Variants in SUPT3H observed in about 807,000 individuals in gnomAD.
SUPT3H encodes the protein transcription initiation protein SPT3 homolog.
In SUPT3H, 44 loss-of-function variants were observed where a neutral mutation model predicts 44.3. The observed-to-expected ratio is 0.99, with a 90% CI of 0.78 to 1.28. The LOEUF (loss-of-function observed/expected upper bound fraction) is 1.28, where lower values mean the gene tolerates loss of function less well. Ranked by LOEUF, SUPT3H falls within the 50% of genes most tolerant of loss-of-function variation. The pLI is 0.00. For synonymous variants in SUPT3H, 124 were observed against 125.6 expected (o/e 0.99, Z 0.09); for missense variants, 380 against 387.1 (o/e 0.98, Z 0.15).
At chr6:44,969,325 T>G (rs537271064) in intron 6 of SUPT3H, among the ~76,000 whole-genome samples, 27 of 152,310 alleles carry the variant, frequency 1.8e-4, no homozygotes, top group African/African-American at 6.5e-4. Flanking sequence ...TCTGGAAGCA[T>G]ATACATTATA....
chr6:45,295,766 C>T (rs775028696), intron 2 of SUPT3H, among the ~76,000 whole-genome samples: 13 of 151,918 alleles, frequency 8.6e-5, no homozygotes, highest in Non-Finnish European at 1.3e-4. Context: ...TGCTCAACAT[C>T]ACTAATGATC....
At chr6:44,927,318 G>T (rs1769658248) in intron 10 of SUPT3H, among the ~76,000 whole-genome samples, 1 of 152,082 alleles carries the variant, frequency 6.6e-6, no homozygotes, top group African/African-American at 2.4e-5. Flanking sequence ...TCTCTAGGAT[G>T]TAAGTTTTAT....
intron 2 of SUPT3H, among the ~76,000 whole-genome samples, chr6:45,175,012 TAAAAAAAAA>T (rs57838175): frequency 8.0e-5 from 5 of 62,538 alleles, no homozygotes; most frequent in Non-Finnish European, 1.4e-4. Context: ...CCCTCGTCAC[TAAAAAAAAA>T]AAAAAAAAAA....
chr6:45,148,720 A>C (rs1231171648), intron 2 of SUPT3H, among the ~76,000 whole-genome samples: 1 of 152,174 alleles, frequency 6.6e-6, no homozygotes, highest in Admixed American at 6.6e-5. Flanking sequence ...GGTCTTTTTC[A>C]ATATAAAGTG....
At chr6:45,117,596 A>G (rs1246768340) in intron 2 of SUPT3H, among the ~76,000 whole-genome samples, 1 of 152,142 alleles carries the variant, frequency 6.6e-6, no homozygotes, top group Non-Finnish European at 1.5e-5. Flanking sequence ...AAAGCATTCT[A>G]GAAAAACCAC....
intron 9 of SUPT3H, among the ~76,000 whole-genome samples, chr6:44,946,988 C>T (rs1773452972): frequency 6.6e-6 from 1 of 152,158 alleles, no homozygotes. Context: ...CTTCGGCAAC[C>T]ACCACCCTGA....
chr6:44,877,303 C>G (rs1462869320), intron 10 of SUPT3H, among the ~76,000 whole-genome samples: 1 of 152,022 alleles, frequency 6.6e-6, no homozygotes, highest in Admixed American at 6.6e-5. Context: ...CCTGTCTCTA[C>G]TAAAAGCACA....
chr6:44,857,241 A>G (rs1207917183), intron 10 of SUPT3H, among the ~76,000 whole-genome samples: 1 of 152,218 alleles, frequency 6.6e-6, no homozygotes, highest in Non-Finnish European at 1.5e-5. Flanking sequence ...AGCATCACTT[A>G]TAATACCCTT....
chr6:44,817,837 C>T (rs1430732717), intron 11 of SUPT3H, among the ~76,000 whole-genome samples: 2 of 151,912 alleles, frequency 1.3e-5, no homozygotes, highest in Non-Finnish European at 2.9e-5. Context: ...TTTAAAAAGA[C>T]CTTTATAAAT....
intron 2 of SUPT3H, among the ~76,000 whole-genome samples, chr6:45,238,856 T>C (rs1698490929): frequency 6.6e-6 from 1 of 152,204 alleles, no homozygotes; most frequent in Admixed American, 6.5e-5. Flanking sequence ...GGCAAACCCA[T>C]TTAGCTGACT....
intron 3 of SUPT3H, among the ~76,000 whole-genome samples, chr6:45,076,992 G>C (rs919476800): frequency 6.6e-6 from 1 of 151,968 alleles, no homozygotes; most frequent in Non-Finnish European, 1.5e-5. Flanking sequence ...TGCATGCTAT[G>C]TTCCCCTCAA....
intron 2 of SUPT3H, among the ~76,000 whole-genome samples, chr6:45,120,159 C>G (rs1388883523): frequency 6.6e-6 from 1 of 151,370 alleles, no homozygotes; most frequent in Non-Finnish European, 1.5e-5. Flanking sequence ...TGACTGCAAA[C>G]TAAAAAAAAC....
chr6:44,908,091 G>A (rs1444907189), intron 10 of SUPT3H, among the ~76,000 whole-genome samples: 1 of 151,248 alleles, frequency 6.6e-6, no homozygotes, highest in Non-Finnish European at 1.5e-5. Flanking sequence ...TGTGTCCAAA[G>A]AATTTAATTT....
rs778153468 is a variant in SUPT3H, at chr6:45,020,541, A to G, written c.273+5T>C. On this transcript the variant is annotated splice_donor_5th_base_variant and intron_variant, in intron 4 of 10. Coordinates refer to ENST00000371459, the MANE Select transcript of SUPT3H (RefSeq NM_003599.4). Reference sequence around the variant, plus strand: ...TTTTAATACAATAAAATTATGTTATATTACCTTATCTTTGCGCATCAAAAA... The same window carrying G: ...TTTTAATACAATAAAATTATGTTATGTTACCTTATCTTTGCGCATCAAAAA... The G allele has an allele frequency of 5.6e-6, 9 of 1,605,786 alleles. No homozygotes were observed. The Admixed American group carries it at 1.3e-4, about 24-fold the overall frequency.
At chr6:45,069,958 A>G (rs1297708227) in intron 3 of SUPT3H, among the ~76,000 whole-genome samples, 4 of 152,164 alleles carry the variant, frequency 2.6e-5, no homozygotes, top group Non-Finnish European at 5.9e-5. Flanking sequence ...AACTGCCAGA[A>G]GAGGAAAACA....
intron 10 of SUPT3H, among the ~76,000 whole-genome samples, chr6:44,851,283 T>A (rs1009322596): frequency 1.3e-5 from 2 of 151,140 alleles, no homozygotes; most frequent in African/African-American, 2.4e-5. Flanking sequence ...ATAAAAAGAG[T>A]TTTCTAAACT....
At chr6:45,242,544 T>A (rs555170201) in intron 2 of SUPT3H, among the ~76,000 whole-genome samples, 4 of 152,310 alleles carry the variant, frequency 2.6e-5, no homozygotes, top group East Asian at 3.9e-4. Flanking sequence ...AGTGTAGACA[T>A]CACTGAATAC....
intron 3 of SUPT3H, among the ~76,000 whole-genome samples, chr6:45,021,082 C>G (rs1221317491): frequency 6.6e-6 from 1 of 151,836 alleles, no homozygotes; most frequent in Non-Finnish European, 1.5e-5. Flanking sequence ...AAAACAGTAG[C>G]TGTTTCTAAT....
intron 3 of SUPT3H, among the ~76,000 whole-genome samples, chr6:45,094,857 TAAG>T (rs928904005): frequency 2.6e-5 from 4 of 152,036 alleles, no homozygotes; most frequent in African/African-American, 4.8e-5. Flanking sequence ...CATTTTTACT[TAAG>T]AAGTAAAAAT....
Sources: gnomAD v4.1 joint callset for allele counts (sites outside exome capture counted in the v4.1 genomes callset) on GRCh38, gnomAD v4.1.1 for gene constraint, MANE v1.5 for transcripts, NCBI Gene and HGNC (gene_info 2026-07-23, HGNC 2026-07-21) for gene names.